Variants in ASIC2 observed in about 807,000 individuals in gnomAD.
The protein encoded by ASIC2 is acid sensing ion channel subunit 2.
A neutral mutation model predicts 57.3 loss-of-function variants in ASIC2; 25 were observed. The observed-to-expected ratio is 0.44, with a 90% confidence interval of 0.32 to 0.61. The LOEUF (loss-of-function observed/expected upper bound fraction) is 0.61. Ranked by LOEUF, ASIC2 falls within the 20% of genes least tolerant of loss-of-function variation. ASIC2 has a pLI of 0.06. For synonymous variants in ASIC2, 319 were observed against 307.5 expected (o/e 1.04, Z -0.39); for missense variants, 641 against 738.1 (o/e 0.87, Z 1.52).
intron 1 of ASIC2, among the ~76,000 whole-genome samples, chr17:33,960,935 C>A (rs1489865299): frequency 6.6e-6 from 1 of 152,010 alleles, no homozygotes; most frequent in African/African-American, 2.4e-5. Context: ...GAATAGAGAC[C>A]CAACAAATAA....
intron 1 of ASIC2, among the ~76,000 whole-genome samples, chr17:33,452,738 GGTGTGTGTGTGTGTGTGT>G (rs35126239): frequency 1.3e-4 from 18 of 140,508 alleles, no homozygotes; most frequent in Admixed American, 1.1e-3. Flanking sequence ...AACAGAGTGG[GGTGTGTGTGTGTGTGTGT>G]GTGTGTGTGT....
chr17:33,203,735 GTCCC>G (rs1906962676), intron 1 of ASIC2, among the ~76,000 whole-genome samples: 1 of 152,090 alleles, frequency 6.6e-6, no homozygotes, highest in South Asian at 2.1e-4. Flanking sequence ...CACTCCTCAG[GTCCC>G]TGCTCATATA....
At chr17:33,282,292 G>A (rs28670915) in intron 1 of ASIC2, among the ~76,000 whole-genome samples, 4 of 152,228 alleles carry the variant, frequency 2.6e-5, no homozygotes, top group South Asian at 2.1e-4. Context: ...ATCAAAGGCC[G>A]GCAAGGCTGT....
At chr17:34,110,303 T>C (rs1166715592) in intron 1 of ASIC2, among the ~76,000 whole-genome samples, 2 of 152,212 alleles carry the variant, frequency 1.3e-5, no homozygotes, top group South Asian at 2.1e-4. Context: ...TTCTAAGGTA[T>C]TGCCCAGATT....
intron 1 of ASIC2, among the ~76,000 whole-genome samples, chr17:33,800,802 T>C (rs185501859): frequency 2.2e-4 from 34 of 152,274 alleles, no homozygotes; most frequent in African/African-American, 6.3e-4. Context: ...TGCAGTCAAT[T>C]TTTTATCCTG....
chr17:33,998,012 C>G (rs988103359), intron 1 of ASIC2, among the ~76,000 whole-genome samples: 3 of 152,142 alleles, frequency 2.0e-5, no homozygotes, highest in African/African-American at 7.2e-5. Flanking sequence ...GTGAAGCCAT[C>G]AGGTCCCAGG....
intron 1 of ASIC2, among the ~76,000 whole-genome samples, chr17:33,806,594 A>C (rs1003081020): frequency 6.6e-6 from 1 of 152,194 alleles, no homozygotes; most frequent in Non-Finnish European, 1.5e-5. Context: ...TAGCAATGCA[A>C]ATCTCTTAAT....
chr17:33,189,656 G>A (rs1235496408), intron 1 of ASIC2, among the ~76,000 whole-genome samples: 1 of 152,034 alleles, frequency 6.6e-6, no homozygotes, highest in Non-Finnish European at 1.5e-5. Context: ...AATATCAGAC[G>A]AAGTAGATTT....
At chr17:33,741,445 T>G (rs1235994448) in intron 1 of ASIC2, among the ~76,000 whole-genome samples, 1 of 152,154 alleles carries the variant, frequency 6.6e-6, no homozygotes, top group Non-Finnish European at 1.5e-5. Flanking sequence ...ATGCTTTACT[T>G]TTTACATGCG....
chr17:33,489,268 C>T (rs1913674924), intron 1 of ASIC2, among the ~76,000 whole-genome samples: 1 of 152,172 alleles, frequency 6.6e-6, no homozygotes, highest in South Asian at 2.1e-4. Flanking sequence ...GAGTTTTACA[C>T]ACATGGTCTT....
chr17:33,980,076 T>C (rs940226914), intron 1 of ASIC2, among the ~76,000 whole-genome samples: 1 of 152,124 alleles, frequency 6.6e-6, no homozygotes, highest in Non-Finnish European at 1.5e-5. Flanking sequence ...TCAAGGAATG[T>C]GGGCTTCAAG....
intron 1 of ASIC2, among the ~76,000 whole-genome samples, chr17:33,522,872 C>G (rs1419164627): frequency 6.6e-6 from 1 of 152,206 alleles, no homozygotes; most frequent in African/African-American, 2.4e-5. Context: ...GCCTCCCGCT[C>G]TGCACCGTGC....
At chr17:33,638,506 C>T (rs1567676297) in intron 1 of ASIC2, among the ~76,000 whole-genome samples, 1 of 152,160 alleles carries the variant, frequency 6.6e-6, no homozygotes, top group African/African-American at 2.4e-5. Flanking sequence ...GAGGATGTAA[C>T]GCGGAGTAGA....
At chr17:33,056,737 G>A (rs16572) in intron 3 of ASIC2, among the ~76,000 whole-genome samples, 38,597 of 152,086 alleles carry the variant, frequency 0.25, 5,088 homozygotes, top group Middle Eastern at 0.32. Flanking sequence ...ATGTAGGAAT[G>A]TAATACCCCA....
intron 1 of ASIC2, among the ~76,000 whole-genome samples, chr17:33,711,139 C>T (rs373756713): frequency 3.3e-5 from 5 of 152,186 alleles, no homozygotes; most frequent in East Asian, 1.9e-4. Flanking sequence ...CTTAGAGTGG[C>T]GTTGTGTTTG....
intron 1 of ASIC2, chr17:33,984,136 A>T (rs1460805961): frequency 2.0e-5 from 3 of 152,280 alleles, no homozygotes; most frequent in African/African-American, 7.2e-5. Flanking sequence ...CTGCAATCAT[A>T]TTCACTGAGG....
At chr17:34,105,927 T>C (rs925032919) in intron 1 of ASIC2, among the ~76,000 whole-genome samples, 8 of 152,092 alleles carry the variant, frequency 5.3e-5, no homozygotes, top group Non-Finnish European at 7.4e-5. Context: ...TATACTTCAA[T>C]CTAGTATACC....
rs886507005 is a variant in ASIC2, at chr17:34,125,233, C to T, written c.555+30745G>A. ...GCCCCCCGCTTCACAGGCCAGCATC[C>T]GCTGAAATGGCCAGGCCTTGTCATT... On this transcript the variant is annotated intron_variant, in intron 1 of 9. Transcript: ENST00000359872. Among the ~76,000 whole-genome samples, 8 of 152,162 alleles carry T rather than the reference C, an allele frequency of 5.3e-5. No homozygotes were observed. The East Asian group carries it at 5.8e-4, about 11-fold the overall frequency.
chr17:33,080,015 G>A (rs1323916442), intron 3 of ASIC2, among the ~76,000 whole-genome samples: 1 of 152,116 alleles, frequency 6.6e-6, no homozygotes, highest in Admixed American at 6.5e-5. Context: ...GGGACTCTAA[G>A]CGAGGAGTTC....
Sources: allele counts gnomAD v4.1 joint callset (sites outside exome capture counted in the v4.1 genomes callset), GRCh38; gene constraint gnomAD v4.1.1; transcripts MANE v1.5; gene names NCBI Gene and HGNC (gene_info 2026-07-23, HGNC 2026-07-21).